TEAD4: variants seen among roughly 807,000 people sequenced by gnomAD.
TEAD4 encodes TEA domain transcription factor 4, also known as transcriptional enhancer factor TEF-3.
A neutral mutation model predicts 52.4 loss-of-function variants in TEAD4; 36 were observed. The ratio of observed to expected loss-of-function variants is 0.69; its 90% CI spans 0.53 to 0.91. TEAD4 has a LOEUF of 0.91. Ranked by LOEUF, TEAD4 falls within the 40% of genes least tolerant of loss-of-function variation. The pLI is 0.00. For synonymous variants in TEAD4, 220 were observed against 231.0 expected (o/e 0.95, Z 0.43); for missense variants, 508 against 583.9 (o/e 0.87, Z 1.34).
At chr12:2,973,663 C>T (rs2098227074) in intron 2 of TEAD4, among the ~76,000 whole-genome samples, 1 of 152,180 alleles carries the variant, frequency 6.6e-6, no homozygotes, top group South Asian at 2.1e-4. Context: ...GAATGAGAGG[C>T]ACAGGTGGGA....
chr12:2,962,138 T>G (rs1391862757), intron 2 of TEAD4, among the ~76,000 whole-genome samples: 3 of 149,428 alleles, frequency 2.0e-5, no homozygotes, highest in Non-Finnish European at 4.5e-5. Context: ...ATTTTATTTA[T>G]TTTTGAGACG....
intron 2 of TEAD4, among the ~76,000 whole-genome samples, chr12:2,970,202 G>A (rs1211486985): frequency 6.6e-6 from 1 of 152,142 alleles, no homozygotes; most frequent in Non-Finnish European, 1.5e-5. Flanking sequence ...CACACAAAGC[G>A]CTAGAACCGT....
chr12:2,968,086 T>C (rs1483858530), intron 2 of TEAD4, among the ~76,000 whole-genome samples: 1 of 119,660 alleles, frequency 8.4e-6, no homozygotes, highest in African/African-American at 6.1e-5. Context: ...TGTGGGTCTT[T>C]TTTTTTTTTT....
At chr12:3,038,798 A>G (rs1186819847) in intron 11 of TEAD4, among the ~76,000 whole-genome samples, 4 of 152,176 alleles carry the variant, frequency 2.6e-5, no homozygotes, top group Admixed American at 1.3e-4. Context: ...AACAAGGGCC[A>G]AGTTATCTTC....
intron 2 of TEAD4, among the ~76,000 whole-genome samples, chr12:2,973,576 C>T (rs1404306422): frequency 6.6e-6 from 1 of 152,176 alleles, no homozygotes; most frequent in Non-Finnish European, 1.5e-5. Context: ...GAGTGGGGTA[C>T]ACCTAGAGAA....
At chr12:2,966,856 G>T (rs1166449235) in intron 2 of TEAD4, among the ~76,000 whole-genome samples, 1 of 152,094 alleles carries the variant, frequency 6.6e-6, no homozygotes, top group Non-Finnish European at 1.5e-5. Flanking sequence ...ACAGGCACCT[G>T]CCACCACGCC....
At position 3,020,495 on chromosome 12, in the gene TEAD4, C is replaced by T. The variant is rs548356325; in HGVS notation, c.584-139C>T. The T allele has an allele frequency of 3.6e-6, 4 of 1,101,430 alleles. No homozygotes were observed. In the Admixed American group the frequency reaches 1.2e-4, roughly 33 times the overall value. The allele number at this position is 1,101,430 out of a possible 1,614,324, so 68.2% of individuals were successfully genotyped here. A position where few individuals can be genotyped will look rare whatever the true frequency, so the allele number is the denominator to read the frequency against. Reference sequence around the variant, plus strand: ...CCTGGCACTCCCTCCACCACCTCTGCTAGGAGGTCCATTTAGGGAGACAGG... The same window carrying T: ...CCTGGCACTCCCTCCACCACCTCTGTTAGGAGGTCCATTTAGGGAGACAGG... On this transcript the variant is annotated intron_variant, in intron 8 of 12. Transcript: ENST00000359864.
chr12:2,979,076 C>T (rs777977576), intron 2 of TEAD4, among the ~76,000 whole-genome samples: 27 of 151,656 alleles, frequency 1.8e-4, no homozygotes, highest in Non-Finnish European at 2.7e-4. Context: ...CCACCATGCC[C>T]GGCTAATTTT....
Position 2,994,691 on chromosome 12 carries a change from C to T in TEAD4, c.-29-47C>T, listed in dbSNP as rs963823804. The T allele has an allele frequency of 4.7e-6, 7 of 1,503,958 alleles. No individual in the cohort carries two copies. The highest frequency in any genetic ancestry group is 4.2e-5 in the African/African-American group (3 of 71,560). The allele number at this position is 1,503,958 out of a possible 1,614,324, so 93.2% of individuals were successfully genotyped here. The stretch of plus-strand genomic sequence containing the variant: ...CGGAGTGCCTTCATCCCGTGGCCCA[C>T]GCAGTTCTTCCACTGCTCACCGGGG... On this transcript the variant is annotated intron_variant, in intron 2 of 12. Transcript: ENST00000359864. The surrounding 1 kb of genome is among the most constrained non-coding windows in gnomAD (Gnocchi z 4.7).
chr12:2,966,757 A>T (rs1448487489), intron 2 of TEAD4, among the ~76,000 whole-genome samples: 1 of 151,308 alleles, frequency 6.6e-6, no homozygotes. Context: ...CCTAGGCCGG[A>T]GTACAGTGGT....
chr12:2,972,491 C>CTTTTTTTTTTTTTT (rs751852771), intron 2 of TEAD4, among the ~76,000 whole-genome samples: 1 of 34,748 alleles, frequency 2.9e-5, no homozygotes, highest in African/African-American at 1.2e-4. Flanking sequence ...CAGCATGTCT[C>CTTTTTTTTTTTTTT]TTTTTTTTTT....
At chr12:2,968,893 C>T (rs1015531788) in intron 2 of TEAD4, among the ~76,000 whole-genome samples, 1 of 152,072 alleles carries the variant, frequency 6.6e-6, no homozygotes, top group African/African-American at 2.4e-5. Flanking sequence ...TCGCCTCAAG[C>T]GATCCTCCAG....
At chr12:2,972,121 C>A (rs2098225651) in intron 2 of TEAD4, among the ~76,000 whole-genome samples, 1 of 152,118 alleles carries the variant, frequency 6.6e-6, no homozygotes, top group African/African-American at 2.4e-5. Context: ...CTCTGCCACC[C>A]AGGCTGGAGT....
intron 6 of TEAD4, 139 bp downstream of exon 6, chr12:3,017,665 G>A: frequency 7.9e-7 from 1 of 1,272,186 alleles, no homozygotes; most frequent in South Asian, 1.6e-5. Flanking sequence ...GGGAAGGAGG[G>A]AACAAGGACC....
chr12:3,006,783 T>C (rs544870988), intron 3 of TEAD4, among the ~76,000 whole-genome samples: 8 of 152,200 alleles, frequency 5.3e-5, no homozygotes, highest in Admixed American at 3.9e-4. Flanking sequence ...CCCAGCACTT[T>C]TGGAGGCTGA....
At chr12:2,988,730 A>G (rs959995976) in intron 2 of TEAD4, among the ~76,000 whole-genome samples, 2 of 152,026 alleles carry the variant, frequency 1.3e-5, no homozygotes, top group African/African-American at 4.8e-5. Context: ...AACCTCAGGG[A>G]GGCAAGAGGG....
intron 3 of TEAD4, among the ~76,000 whole-genome samples, chr12:3,000,873 A>G (rs932151231): frequency 6.6e-6 from 1 of 152,208 alleles, no homozygotes; most frequent in African/African-American, 2.4e-5. Flanking sequence ...TTGGGACTAG[A>G]TAGAGCACGT....
At chr12:3,002,702 G>A (rs116409375) in intron 3 of TEAD4, among the ~76,000 whole-genome samples, 6,110 of 152,314 alleles carry the variant, frequency 0.04, 402 homozygotes, top group African/African-American at 0.14. Context: ...TGCACAGCAC[G>A]GGGTGAGGGG....
At chr12:2,972,723 A>G (rs1591555935) in intron 2 of TEAD4, among the ~76,000 whole-genome samples, 1 of 151,008 alleles carries the variant, frequency 6.6e-6, no homozygotes, top group Non-Finnish European at 1.5e-5. Flanking sequence ...TTGGTCTCGA[A>G]CTCCTGACCT....
Sources: allele counts gnomAD v4.1 joint callset (sites outside exome capture counted in the v4.1 genomes callset), GRCh38; gene constraint gnomAD v4.1.1; non-coding constraint Gnocchi (gnomAD v3.1); transcripts MANE v1.5; gene names NCBI Gene and HGNC (gene_info 2026-07-23, HGNC 2026-07-21).